The following ADAMTS17 variants were observed in gnomAD, a reference collection of about 807,000 sequenced individuals.
ADAMTS17 encodes the protein ADAM metallopeptidase with thrombospondin type 1 motif 17, also known as A disintegrin and metalloproteinase with thrombospondin motifs 17.
Under a neutral mutation model 141.5 loss-of-function variants are expected in ADAMTS17, and 113 were observed. The observed-to-expected ratio is 0.80, with a 90% CI of 0.69 to 0.93. The LOEUF (loss-of-function observed/expected upper bound fraction) is 0.93, where lower values mean the gene tolerates loss of function less well. Among genes scored for constraint, ADAMTS17 ranks in the 40% least tolerant of loss-of-function variants. ADAMTS17 has a pLI of 0.00. For missense variants in ADAMTS17, 1,659 were observed against 1,517.9 expected, an observed-to-expected ratio of 1.09 and a Z score of -1.54; for synonymous variants, 768 against 630.6, an observed-to-expected ratio of 1.22 and a Z score of -3.27.
intron 7 of ADAMTS17, among the ~76,000 whole-genome samples, chr15:100,253,454 G>A (rs2043219663): frequency 4.5e-5 from 1 of 22,324 alleles, no homozygotes; most frequent in African/African-American, 2.2e-4. Flanking sequence ...GGAGGGGAAG[G>A]TAGAGGGGGA....
chr15:100,176,719 AAACTT>A (rs1220028744), intron 8 of ADAMTS17, among the ~76,000 whole-genome samples: 4 of 152,174 alleles, frequency 2.6e-5, no homozygotes, highest in Non-Finnish European at 4.4e-5. Flanking sequence ...CACAATCAAG[AAACTT>A]AACTGTATCA....
chr15:100,179,893 GTTGT>G (rs1173295461), intron 8 of ADAMTS17, among the ~76,000 whole-genome samples: 2 of 152,136 alleles, frequency 1.3e-5, no homozygotes, highest in Non-Finnish European at 2.9e-5. Flanking sequence ...TTTCCTAAGA[GTTGT>G]TTGAGCTCCT....
intron 7 of ADAMTS17, among the ~76,000 whole-genome samples, chr15:100,228,424 C>T (rs1157238801): frequency 1.3e-5 from 2 of 152,310 alleles, no homozygotes; most frequent in Admixed American, 1.3e-4. Flanking sequence ...ATACTGGTAC[C>T]ATACGCAAAG....
intron 3 of ADAMTS17, among the ~76,000 whole-genome samples, chr15:100,292,799 G>A (rs1277315725): frequency 1.3e-5 from 2 of 152,162 alleles, no homozygotes; most frequent in African/African-American, 4.8e-5. Context: ...TTGGTTCTGA[G>A]TTTCCTAAAA....
At chr15:100,325,020 G>C (rs751042514) in intron 3 of ADAMTS17, among the ~76,000 whole-genome samples, 6 of 152,234 alleles carry the variant, frequency 3.9e-5, no homozygotes, top group Non-Finnish European at 8.8e-5. Context: ...TATTGTTACA[G>C]ACAGGGTCCC....
At chr15:100,161,713 G>A (rs542606945) in intron 8 of ADAMTS17, among the ~76,000 whole-genome samples, 2 of 152,176 alleles carry the variant, frequency 1.3e-5, no homozygotes, top group Non-Finnish European at 2.9e-5. Context: ...TGTGCCCCCA[G>A]TCTTGAGCTA....
chr15:100,032,733 G>T (rs763774640), intron 18 of ADAMTS17, among the ~76,000 whole-genome samples: 1 of 152,218 alleles, frequency 6.6e-6, no homozygotes, highest in Non-Finnish European at 1.5e-5. Context: ...TTTAAAGGAG[G>T]AAAACATTGT....
intron 13 of ADAMTS17, among the ~76,000 whole-genome samples, chr15:100,113,678 G>A (rs567795472): frequency 7.9e-5 from 12 of 152,296 alleles, no homozygotes; most frequent in South Asian, 2.1e-4. Flanking sequence ...TGCAAGCTTC[G>A]GAGACCACAG....
chr15:100,105,486 G>A (rs2036359908), intron 14 of ADAMTS17, among the ~76,000 whole-genome samples: 1 of 152,166 alleles, frequency 6.6e-6, no homozygotes. Context: ...GGAACAGGAA[G>A]GCGTGCATCC....
In ADAMTS17 at chr15:99,997,358, G is replaced by A. The variant is rs751794220; in HGVS notation, c.2796+27C>T. 30 of 1,612,722 alleles carry A rather than the reference G, an allele frequency of 1.9e-5. No individual in the cohort carries two copies. Among genetic ancestry groups the A allele is most frequent in the Non-Finnish European group, 2.5e-5 (29 of 1,179,508 alleles). On this transcript the variant is annotated intron_variant, in intron 19 of 21. Coordinates refer to ENST00000268070, the MANE Select transcript of ADAMTS17 (RefSeq NM_139057.4). The surrounding 1 kb of genome is among the most constrained non-coding windows in gnomAD (Gnocchi z 4.7). ...ACCGTGTTGGAGTCCCTGTGGCTGA[G>A]TCCTGGTGGCAAGCCCAGGCACCCA... is the stretch of plus-strand genomic sequence containing the variant.
At position 100,155,209 on chromosome 15, in the gene ADAMTS17, G is replaced by A. The variant is rs901807210; in HGVS notation, c.1293C>T (p.Cys431=). ...RNPSDLSWSS[C]SRDDLENFLK... is the part of the protein sequence containing the mutation. ...GGAAGTTTTCAAGGTCATCTCGGCT[G>A]CAGGAGGACCAAGAGAGGTCACTTG... Residue 431 remains cysteine (C), a synonymous_variant, in exon 9 of 22, where the codon TGC becomes TGT. Transcript: ENST00000268070. The A allele has an allele frequency of 1.9e-6, 3 of 1,614,224 alleles. No individual in the cohort carries two copies. The Admixed American group carries it at 5.0e-5, about 27-fold the overall frequency.
At chr15:99,974,741 C>T (rs895103115) in intron 21 of ADAMTS17, among the ~76,000 whole-genome samples, 179 bp from the exon 22 acceptor site, 2 of 152,252 alleles carry the variant, frequency 1.3e-5, no homozygotes, top group African/African-American at 2.4e-5. Context: ...CACTTTCTGT[C>T]ACAGGGATGC....
chr15:100,192,250 A>C lies in ADAMTS17; in HGVS notation c.1181+7068T>G, dbSNP rs183502476. Among the ~76,000 whole-genome samples the C allele has an allele frequency of 2.1e-3, 314 of 152,248 alleles. 4 individuals are homozygous for C. The highest frequency in any genetic ancestry group is 6.8e-3 in the African/African-American group (281 of 41,560). On this transcript the variant is annotated intron_variant, in intron 8 of 21. Transcript: ENST00000268070. ...TCAATGCTTCAAGCACCACCAACCA[A>C]TTACCCTTCAGTAGAGAAGGGAAGA... is the stretch of plus-strand genomic sequence containing the variant.
intron 8 of ADAMTS17, among the ~76,000 whole-genome samples, chr15:100,195,613 C>CAAAAAAAAAAAAA (rs71287815): frequency 1.6e-5 from 1 of 63,644 alleles, no homozygotes. Flanking sequence ...TGTTTGGTCT[C>CAAAAAAAAAAAAA]AAAAAAAAAA....
rs920206788 is a variant in ADAMTS17 at position 100,261,420 on chromosome 15, T to G, written c.1031+59A>C. 8.1e-6 allele frequency: 13 copies of G among 1,610,198 alleles called. No individual in the cohort carries two copies. In the African/African-American group the frequency reaches 1.6e-4, roughly 20 times the overall value. On this transcript the variant is annotated intron_variant, in intron 6 of 21. Transcript: ENST00000268070. ...TTCTTAACAACATGCCTATTTCCTC[T>G]CTGAAGGGAAACATCTTTTCCCTCT...
chr15:100,192,846 C>T (rs776647026), intron 8 of ADAMTS17, among the ~76,000 whole-genome samples: 204 of 152,210 alleles, frequency 1.3e-3, no homozygotes, highest in Non-Finnish European at 1.3e-3. Flanking sequence ...ACATTTCCCC[C>T]ACATGGCTCT....
At chr15:100,140,488 C>CATACATATACATATACATATATATAT (rs1386955753) in intron 10 of ADAMTS17, among the ~76,000 whole-genome samples, 24 of 125,000 alleles carry the variant, frequency 1.9e-4, no homozygotes, top group African/African-American at 5.7e-4. Context: ...CACATACATA[C>CATACATATACATATACATATATATAT]ATATATATAT....
chr15:100,119,106 C>T (rs1396287103), intron 12 of ADAMTS17, among the ~76,000 whole-genome samples: 1 of 140,544 alleles, frequency 7.1e-6, no homozygotes, highest in Non-Finnish European at 1.6e-5. Context: ...ACATTGTCAG[C>T]AAGCCACCAG....
At chr15:100,105,783 G>A (rs550662953) in intron 14 of ADAMTS17, among the ~76,000 whole-genome samples, 1 of 152,184 alleles carries the variant, frequency 6.6e-6, no homozygotes, top group South Asian at 2.1e-4. Flanking sequence ...CACTTCCCAG[G>A]TTCAAGCGAT....
Sources: allele counts gnomAD v4.1 joint callset (sites outside exome capture counted in the v4.1 genomes callset), GRCh38; gene constraint gnomAD v4.1.1; non-coding constraint Gnocchi (gnomAD v3.1); transcripts MANE v1.5; gene names NCBI Gene and HGNC (gene_info 2026-07-23, HGNC 2026-07-21).